SLC44A3: variants seen among roughly 807,000 people sequenced by gnomAD.
SLC44A3 encodes the protein solute carrier family 44 member 3.
SLC44A3 carries 74 observed loss-of-function variants against 75.4 expected under a neutral mutation model. That is an observed-to-expected ratio of 0.98 (90% CI 0.81 to 1.19). The LOEUF is 1.19. SLC44A3 is among the 50% of genes most tolerant of loss of function. The probability of loss-of-function intolerance (pLI) is 0.00; values close to 1 mark genes in which losing one functional copy is unlikely to be tolerated. For synonymous variants in SLC44A3, 310 were observed against 296.9 expected (o/e 1.04, Z -0.45); for missense variants, 700 against 778.6 (o/e 0.90, Z 1.20).
rs113509894 is a variant in SLC44A3 at position 94,842,043 on chromosome 1, C to T, written c.804C>T (p.Asn268=). 7.7e-5 allele frequency: 124 copies of T among 1,613,356 alleles called. No homozygotes were observed. Among genetic ancestry groups the T allele is most frequent in the East Asian group, 8.9e-5 (4 of 44,818 alleles). The change falls in exon 8 of 15, where the codon AAC becomes AAT. Residue 268 remains asparagine (N), a synonymous_variant. Transcript: ENST00000271227. ...GGTGGCTGTATTATGACTATACCAA[C>T]GACCTCAGCATAGAATTGGACACAG... The part of the protein sequence containing the change: ...VLWWLYYDYT[N]DLSIELDTER...
At chr1:94,845,980 G>C (rs907420405) in intron 9 of SLC44A3, among the ~76,000 whole-genome samples, 1 of 151,904 alleles carries the variant, frequency 6.6e-6, no homozygotes, top group Admixed American at 6.6e-5. Context: ...AACCCCGTCT[G>C]TACTAAAAAT....
intron 10 of SLC44A3, 45 bp from the exon 11 acceptor site, chr1:94,864,698 T>G (rs1666958612): frequency 1.3e-6 from 2 of 1,582,180 alleles, no homozygotes; most frequent in Non-Finnish European, 1.7e-6. Context: ...TTTTGCTGCT[T>G]TATAAAAAGT....
intron 12 of SLC44A3, among the ~76,000 whole-genome samples, chr1:94,878,061 C>T (rs1481906275): frequency 6.6e-6 from 1 of 151,944 alleles, no homozygotes; most frequent in Non-Finnish European, 1.5e-5. Context: ...GGTGAAACCC[C>T]GTCTCTACTA....
At chr1:94,854,281 A>G (rs1557844619) in intron 9 of SLC44A3, among the ~76,000 whole-genome samples, 1 of 152,216 alleles carries the variant, frequency 6.6e-6, no homozygotes, top group Non-Finnish European at 1.5e-5. Context: ...CAAGCCAGTA[A>G]TCACTGTCCC....
chr1:94,871,560 G>A (rs1228178831), intron 12 of SLC44A3, among the ~76,000 whole-genome samples: 1 of 152,152 alleles, frequency 6.6e-6, no homozygotes, highest in Non-Finnish European at 1.5e-5. Flanking sequence ...TCATGGAAAT[G>A]TCTCCCTAAG....
At chr1:94,881,311 C>CAACACATGAAAAACATGA (rs1668941892) in intron 12 of SLC44A3, among the ~76,000 whole-genome samples, 1 of 152,166 alleles carries the variant, frequency 6.6e-6, no homozygotes. Flanking sequence ...CCAAAACATG[C>CAACACATGAAAAACATGA]AACACATGAA....
chr1:94,872,454 T>A (rs1197018723), intron 12 of SLC44A3, among the ~76,000 whole-genome samples: 1 of 152,056 alleles, frequency 6.6e-6, no homozygotes, highest in Non-Finnish European at 1.5e-5. Flanking sequence ...TCCTCTTCAA[T>A]GCTTTGTTCT....
At chr1:94,822,768 T>C (rs1660792353) in intron 2 of SLC44A3, among the ~76,000 whole-genome samples, 1 of 152,236 alleles carries the variant, frequency 6.6e-6, no homozygotes, top group South Asian at 2.1e-4. Context: ...CAAGATTCCA[T>C]TTTCCTGATT....
At chr1:94,845,490 A>G (rs373507500) in intron 9 of SLC44A3, 26 bp downstream of exon 9, 11 of 1,591,204 alleles carry the variant, frequency 6.9e-6, no homozygotes, top group African/African-American at 2.7e-5. Context: ...TGTGGGTTCC[A>G]TCACCTTGGA....
intron 9 of SLC44A3, among the ~76,000 whole-genome samples, chr1:94,849,646 T>C (rs1664939003): frequency 6.6e-6 from 1 of 152,226 alleles, no homozygotes; most frequent in African/African-American, 2.4e-5. Flanking sequence ...ATTGTCTCAT[T>C]CCACGTCCCA....
intron 5 of SLC44A3, among the ~76,000 whole-genome samples, chr1:94,830,077 T>C (rs546414541): frequency 1.3e-5 from 2 of 152,354 alleles, no homozygotes; most frequent in East Asian, 3.9e-4. Flanking sequence ...CAAAGAGACT[T>C]GAGAAGGTTT....
intron 10 of SLC44A3, among the ~76,000 whole-genome samples, chr1:94,859,787 G>A (rs1383228260): frequency 6.6e-6 from 1 of 152,114 alleles, no homozygotes; most frequent in Non-Finnish European, 1.5e-5. Flanking sequence ...ACATACACCA[G>A]CACCCCACAT....
chr1:94,820,660 C>T, intron 1 of SLC44A3, 182 bp downstream of exon 1: 3 of 1,381,960 alleles, frequency 2.2e-6, no homozygotes, highest in South Asian at 1.7e-5. Flanking sequence ...AGTGCTGGGG[C>T]GGAGGCGGGG....
chr1:94,873,684 A>G (rs1009837456), intron 12 of SLC44A3, among the ~76,000 whole-genome samples: 6 of 152,138 alleles, frequency 3.9e-5, no homozygotes, highest in African/African-American at 1.4e-4. Flanking sequence ...CTCGTAGTCC[A>G]TCAATAGCTA....
chr1:94,828,017 G>A (rs951438316), intron 4 of SLC44A3, among the ~76,000 whole-genome samples: 5 of 152,310 alleles, frequency 3.3e-5, no homozygotes, highest in South Asian at 2.1e-4. Context: ...CAGGCTGCGC[G>A]TAGAATTGCT....
At chr1:94,857,232 T>C (rs1478126087) in intron 9 of SLC44A3, 103 bp from the exon 10 acceptor site, 1 of 1,222,458 alleles carries the variant, frequency 8.2e-7, no homozygotes, top group African/African-American at 1.5e-5. Flanking sequence ...GCATTTGTTT[T>C]ATGTAATGCC....
chr1:94,884,984 G>A (rs892105038), intron 12 of SLC44A3, among the ~76,000 whole-genome samples: 10 of 152,148 alleles, frequency 6.6e-5, no homozygotes, highest in African/African-American at 2.2e-4. Context: ...AGTGGCTCAC[G>A]CCTATAATCC....
At chr1:94,892,627 G>T (rs7528621) in intron 14 of SLC44A3, 110 bp downstream of exon 14, 2 of 1,065,242 alleles carry the variant, frequency 1.9e-6, no homozygotes, top group South Asian at 3.0e-5. Flanking sequence ...CTTCTAGAGG[G>T]CTCTGAGGCT....
At chr1:94,826,273 C>T (rs1661329781) in intron 3 of SLC44A3, among the ~76,000 whole-genome samples, 1 of 152,140 alleles carries the variant, frequency 6.6e-6, no homozygotes. Context: ...GTACAGATTT[C>T]AGTTTGGGAA....
Sources: gnomAD v4.1 joint callset for allele counts (sites outside exome capture counted in the v4.1 genomes callset) on GRCh38, gnomAD v4.1.1 for gene constraint, MANE v1.5 for transcripts, NCBI Gene and HGNC (gene_info 2026-07-23, HGNC 2026-07-21) for gene names.